The following EIF4E3 variants were observed in gnomAD, a reference collection of about 807,000 sequenced individuals.
EIF4E3 encodes the protein eukaryotic translation initiation factor 4E family member 3, also known as eukaryotic translation initiation factor 4E type 3.
A neutral mutation model predicts 31.7 loss-of-function variants in EIF4E3; 26 were observed. The ratio of observed to expected loss-of-function variants is 0.82; its 90% CI spans 0.60 to 1.14. The LOEUF (loss-of-function observed/expected upper bound fraction) is 1.14. Ranked by LOEUF, EIF4E3 falls within the 50% of genes most tolerant of loss-of-function variation. The pLI, the probability that EIF4E3 is intolerant of heterozygous loss-of-function variation, is 0.00. For missense variants in EIF4E3, 304 were observed against 270.9 expected (o/e 1.12, Z -0.86); for synonymous variants, 128 against 107.7 (o/e 1.19, Z -1.17).
At chr3:71,723,486 T>C (rs9680903) in intron 1 of EIF4E3, among the ~76,000 whole-genome samples, 28,013 of 152,012 alleles carry the variant, frequency 0.18, 2,630 homozygotes, top group East Asian at 0.31. Context: ...AGTATAGATA[T>C]AGTTTTTGTC....
At position 71,675,643 on chromosome 3, in the gene EIF4E3, A is replaced by G. The variant is rs2048869571; in HGVS notation, c.*9039T>C. 2 of 152,216 alleles carry G rather than the reference A, an allele frequency of 1.3e-5. No individual in the cohort carries two copies. The highest frequency in any genetic ancestry group is 4.8e-5 in the African/African-American group (2 of 41,456). The allele number at this position is 152,216 out of a possible 1,614,324, so 9.4% of individuals were successfully genotyped here. A position where few individuals can be genotyped will look rare whatever the true frequency, so the allele number is the denominator to read the frequency against. ...TATAGCTGCAACTTTGCCACCAACTACTTGTGTGACCTTGAACGAATTCTT... is the reference window on the plus strand; with the variant it reads ...TATAGCTGCAACTTTGCCACCAACTGCTTGTGTGACCTTGAACGAATTCTT... On this transcript the variant is annotated 3_prime_UTR_variant, in exon 7 of 7. Transcript: ENST00000425534.
intron 1 of EIF4E3, among the ~76,000 whole-genome samples, chr3:71,741,079 T>C (rs766784195): frequency 1.3e-5 from 2 of 152,108 alleles, no homozygotes; most frequent in Non-Finnish European, 2.9e-5. Flanking sequence ...GAAGTTGCAG[T>C]GGATGTGACT....
chr3:71,661,534 T>C, the EIF4E3 span, among the ~76,000 whole-genome samples: 1 of 152,184 alleles, frequency 6.6e-6, no homozygotes. Context: ...AGAGGATATC[T>C]TAATGGAATG....
chr3:71,725,410 G>C (rs1034607995), upstream of EIF4E3: 19 of 976,318 alleles, frequency 1.9e-5, no homozygotes, highest in Non-Finnish European at 2.2e-5. This position sits in a 1 kb window ranked among gnomAD's most constrained non-coding sequence, Gnocchi z 6.1. Flanking sequence ...CGCGGACCGC[G>C]GGGCGAGCGC....
chr3:71,749,745 G>C (rs2049908390), intron 1 of EIF4E3, among the ~76,000 whole-genome samples: 1 of 152,142 alleles, frequency 6.6e-6, no homozygotes, highest in African/African-American at 2.4e-5. Context: ...GGAATAATTT[G>C]ATTATACAAG....
the EIF4E3 span, among the ~76,000 whole-genome samples, chr3:71,659,817 G>T: frequency 5.9e-5 from 9 of 152,212 alleles, no homozygotes; most frequent in African/African-American, 1.9e-4. Flanking sequence ...CTGGGGGCAG[G>T]AGGGTGCTTT....
chr3:71,743,926 C>T (rs918954569), intron 1 of EIF4E3, among the ~76,000 whole-genome samples: 2 of 151,988 alleles, frequency 1.3e-5, no homozygotes, highest in African/African-American at 4.8e-5. Flanking sequence ...TTCAATCCAC[C>T]TCACACCATT....
chr3:71,752,007 T>C (rs890933327), intron 1 of EIF4E3, among the ~76,000 whole-genome samples: 11 of 152,316 alleles, frequency 7.2e-5, no homozygotes, highest in Non-Finnish European at 1.2e-4. Flanking sequence ...TCTATCAACA[T>C]ACATTTACAG....
At chr3:71,689,887 A>T (rs9863920) in intron 6 of EIF4E3, 123 bp downstream of exon 6, 110,432 of 934,950 alleles carry the variant, frequency 0.12, 7,552 homozygotes, top group African/African-American at 0.19. Flanking sequence ...TATTTTGTTG[A>T]ATTATTTTCT....
chr3:71,687,810 T>C (rs1311181785), intron 6 of EIF4E3, among the ~76,000 whole-genome samples: 1 of 152,232 alleles, frequency 6.6e-6, no homozygotes, highest in Non-Finnish European at 1.5e-5. Flanking sequence ...TCACCTGGCT[T>C]ATGTAAACTT....
chr3:71,721,991 A>AG lies in EIF4E3; in HGVS notation c.176+3200dup, dbSNP rs139619402. 3.4e-5 allele frequency among the ~76,000 whole-genome samples: 5 copies of AG among 148,634 alleles called. No individual in the cohort carries two copies. The East Asian group carries it at 1.0e-3, about 30-fold the overall frequency. ...GCAAGGGGACCGATGAGCAGAAAGAAGGGCATGGCAGAAGGGAGAGTGACA... is the reference window on the plus strand; with the variant it reads ...GCAAGGGGACCGATGAGCAGAAAGAAGGGGCATGGCAGAAGGGAGAGTGACA... On this transcript the variant is annotated intron_variant, in intron 1 of 6. Coordinates refer to ENST00000425534, the MANE Select transcript of EIF4E3 (RefSeq NM_001134651.2).
chr3:71,671,539 G>T (rs2048847768), downstream of EIF4E3, among the ~76,000 whole-genome samples: 1 of 152,282 alleles, frequency 6.6e-6, no homozygotes, highest in Admixed American at 6.5e-5. Context: ...TGCCTGTCAG[G>T]ATCAGAAAGA....
At chr3:71,730,040 T>C (rs2049688442), upstream of EIF4E3, among the ~76,000 whole-genome samples, 1 of 152,184 alleles carries the variant, frequency 6.6e-6, no homozygotes, top group African/African-American at 2.4e-5. Context: ...ATGGCAGTCT[T>C]CAGTGCCGGT....
chr3:71,744,479 G>A (rs943500534), intron 1 of EIF4E3, among the ~76,000 whole-genome samples: 9 of 152,190 alleles, frequency 5.9e-5, no homozygotes, highest in Admixed American at 3.3e-4. Flanking sequence ...GGGCACGGTG[G>A]CTCATGCCTG....
At chr3:71,700,809 T>C (rs139739478) in intron 2 of EIF4E3, among the ~76,000 whole-genome samples, 136 of 152,252 alleles carry the variant, frequency 8.9e-4, no homozygotes, top group Non-Finnish European at 1.5e-3. Context: ...CTGCGCAAGA[T>C]ACACAGTGTT....
chr3:71,702,733 A>T (rs1033619768), intron 2 of EIF4E3, among the ~76,000 whole-genome samples: 1 of 149,634 alleles, frequency 6.7e-6, no homozygotes, highest in Non-Finnish European at 1.5e-5. Flanking sequence ...AAAAAGCCCT[A>T]TTTGAAAAGC....
intron 1 of EIF4E3, among the ~76,000 whole-genome samples, chr3:71,746,678 TTC>T (rs2049876436): frequency 6.6e-6 from 1 of 152,226 alleles, no homozygotes; most frequent in East Asian, 1.9e-4. Context: ...TTTTTGATAA[TTC>T]TGTTTTCTTA....
At chr3:71,696,606 G>C (rs2049140759) in intron 3 of EIF4E3, 86 bp from the exon 4 acceptor site, 1 of 1,486,542 alleles carries the variant, frequency 6.7e-7, no homozygotes, top group East Asian at 2.3e-5. Flanking sequence ...CATACATTTA[G>C]TTTAACAACA....
At chr3:71,738,954 T>G (rs896065301) in intron 1 of EIF4E3, among the ~76,000 whole-genome samples, 2 of 119,082 alleles carry the variant, frequency 1.7e-5, no homozygotes, top group African/African-American at 7.2e-5. Context: ...ACCAGAAAAT[T>G]TCCAAATGCC....
Sources: gnomAD v4.1 joint callset for allele counts (sites outside exome capture counted in the v4.1 genomes callset) on GRCh38, gnomAD v4.1.1 for gene constraint, Gnocchi (gnomAD v3.1) non-coding constraint, MANE v1.5 for transcripts, NCBI Gene and HGNC (gene_info 2026-07-23, HGNC 2026-07-21) for gene names.